ZAN: variants seen among roughly 807,000 people sequenced by gnomAD.
The protein encoded by ZAN is zonadhesin, also known as zonadhesin (gene/pseudogene).
A neutral mutation model predicts 286.2 loss-of-function variants in ZAN; 260 were observed. The ratio of observed to expected loss-of-function variants is 0.91; its 90% CI spans 0.82 to 1.01. The LOEUF (loss-of-function observed/expected upper bound fraction) is 1.01. Ranked by LOEUF, ZAN falls within the 50% of genes least tolerant of loss-of-function variation. ZAN has a pLI of 0.00. For missense variants in ZAN, 3,410 were observed against 3,639.2 expected, an observed-to-expected ratio of 0.94 and a Z score of 1.62; for synonymous variants, 1,368 against 1,417.5, an observed-to-expected ratio of 0.97 and a Z score of 0.79.
rs1562907855 is a variant in ZAN, at chr7:100,735,768, C to T, written c.102C>T (p.Asp34=). ...AGCTGGTTGTTCGCAGCTCTAGGGA[C>T]AACTGTGAGTTGGAAACCAGGAGTG... The part of the protein sequence containing the change: ...DQKLVVRSSR[D]NYVLTQCDFE... The change falls in exon 3 of 48, where the codon GAC becomes GAT. Residue 34 remains aspartate (D), a synonymous_variant. Transcript: ENST00000613979. 6.7e-7 allele frequency: 1 copy of T among 1,501,262 alleles called. No individual in the cohort carries two copies. The highest frequency in any genetic ancestry group is 1.8e-5 in the Admixed American group (1 of 54,350). The allele number at this position is 1,501,262 out of a possible 1,614,324, so 93.0% of individuals were successfully genotyped here.
At chr7:100,781,793 C>T (rs1202773913) in intron 35 of ZAN, among the ~76,000 whole-genome samples, 6 of 151,838 alleles carry the variant, frequency 4.0e-5, no homozygotes, top group South Asian at 4.2e-4. Flanking sequence ...GCATGTGCCA[C>T]CACACCCAGC....
rs1337408268 is a variant in ZAN at position 100,764,128 on chromosome 7, C to T, written c.4199C>T (p.Ser1400Phe). Reference sequence around the variant, plus strand: ...CAGCACCTGCTGTGCACACACATGTCCACCATGACCACCACCTGCCAGGAC... The same window carrying T: ...CAGCACCTGCTGTGCACACACATGTTCACCATGACCACCACCTGCCAGGAC... ...GLQHLLCTHMSTMTTTCQDAG... is the reference protein window; with the variant it reads ...GLQHLLCTHMFTMTTTCQDAG... Residue 1400 changes from serine (S) to phenylalanine (F), a missense_variant, in exon 22 of 48, where the codon TCC becomes TTC. By Grantham distance (155) the Ser-to-Phe change is radical. This residue lies in a region of ZAN where 1,042 missense variants were observed against 1,058.0 expected (regional missense o/e 0.98). Coordinates refer to ENST00000613979, the MANE Select transcript of ZAN (RefSeq NM_003386.3). 1 of 1,611,394 alleles carries T rather than the reference C, an allele frequency of 6.2e-7. No homozygotes were observed. The highest frequency in any genetic ancestry group is 2.2e-5 in the East Asian group (1 of 44,814).
At chr7:100,772,302 A>T (rs1810429117) in intron 29 of ZAN, among the ~76,000 whole-genome samples, 1 of 150,014 alleles carries the variant, frequency 6.7e-6, no homozygotes, top group Admixed American at 6.7e-5. Context: ...TGTGGTGGCA[A>T]GCACCTGTAA....
At chr7:100,772,489 C>T (rs558401534) in intron 29 of ZAN, among the ~76,000 whole-genome samples, 17 of 151,824 alleles carry the variant, frequency 1.1e-4, no homozygotes, top group South Asian at 1.0e-3. Context: ...AATGGCAGCA[C>T]GACAATGTGA....
rs1270251756 is a variant in ZAN at position 100,783,787 on chromosome 7, CATAT to C, written c.6623-826_6623-823del. On this transcript the variant is annotated intron_variant, in intron 35 of 47. Coordinates refer to ENST00000613979, the MANE Select transcript of ZAN (RefSeq NM_003386.3). Reference sequence around the variant, plus strand: ...AAATATATATATATATATATATACACATATATATATATACACACATATATATATA... The same window carrying C: ...AAATATATATATATATATATATACACATATATATACACACATATATATATA... Among the ~76,000 whole-genome samples, 2 of 11,030 alleles carry C rather than the reference CATAT, an allele frequency of 1.8e-4. 1 individual carries two copies. Among genetic ancestry groups the C allele is most frequent in the South Asian group, 4.4e-3 (2 of 452 alleles). 7.2% of individuals were successfully genotyped at this position (11,030 alleles called of 152,430 possible). A position where few individuals can be genotyped will look rare whatever the true frequency, so the allele number is the denominator to read the frequency against.
At chr7:100,743,148 C>A (rs1207478994) in intron 7 of ZAN, among the ~76,000 whole-genome samples, 2 of 151,066 alleles carry the variant, frequency 1.3e-5, no homozygotes, top group Admixed American at 1.3e-4. Flanking sequence ...CTCAGCCTCC[C>A]GAGTAGCTGG....
At chr7:100,777,464 C>T (rs112891999) in intron 34 of ZAN, among the ~76,000 whole-genome samples, 11 of 152,288 alleles carry the variant, frequency 7.2e-5, no homozygotes, top group South Asian at 4.1e-4. Context: ...AAGCAATTCT[C>T]GTGCCTCAAC....
At position 100,763,077 on chromosome 7, in the gene ZAN, TTCTCAC is replaced by T. The variant is rs1440288986; in HGVS notation, c.3986+720_3987-723del. Reference sequence around the variant, plus strand: ...ACCTCTGCCTCCTGGGCTCAAGTGATTCTCACGCCTCAATCCCAATGAGATTATAGG... The same window carrying T: ...ACCTCTGCCTCCTGGGCTCAAGTGATGCCTCAATCCCAATGAGATTATAGG... On this transcript the variant is annotated intron_variant, in intron 20 of 47. Coordinates refer to ENST00000613979, the MANE Select transcript of ZAN (RefSeq NM_003386.3). This position sits in a 1 kb window ranked among gnomAD's most constrained non-coding sequence, Gnocchi z 4.6. Among the ~76,000 whole-genome samples the T allele has an allele frequency of 1.3e-5, 2 of 151,564 alleles. No individual in the cohort carries two copies. The highest frequency in any genetic ancestry group is 3.9e-4 in the East Asian group (2 of 5,118).
In ZAN at chr7:100,763,422, A is replaced by AGTGC. The variant is rs1460133438; in HGVS notation, c.3987-383_3987-380dup. 6.6e-6 allele frequency among the ~76,000 whole-genome samples: 1 copy of AGTGC among 152,044 alleles called. No homozygotes were observed. The highest frequency in any genetic ancestry group is 1.5e-5 in the Non-Finnish European group (1 of 68,008). On this transcript the variant is annotated intron_variant, in intron 20 of 47. Transcript: ENST00000613979. This position sits in a 1 kb window ranked among gnomAD's most constrained non-coding sequence, Gnocchi z 4.6. ...GGCCTTGCTCTGTCGCCCAGGCTGG[A>AGTGC]GTGCAGTGGTTCAATCACAGCTCAC...
At position 100,794,110 on chromosome 7, in the gene ZAN, C is replaced by T. The variant is rs1393639746; in HGVS notation, c.7987-10C>T. 5.0e-6 allele frequency: 8 copies of T among 1,613,990 alleles called. No individual in the cohort carries two copies. The South Asian group carries it at 6.6e-5, about 13-fold the overall frequency. ...CTGGAACGTCTCCTCCTGGCCCTTCCCCTTTCTAGCTGGGCAGCAGCTTTC... is the reference window on the plus strand; with the variant it reads ...CTGGAACGTCTCCTCCTGGCCCTTCTCCTTTCTAGCTGGGCAGCAGCTTTC... On this transcript the variant is annotated splice_polypyrimidine_tract_variant and intron_variant, in intron 43 of 47. Coordinates refer to ENST00000613979, the MANE Select transcript of ZAN (RefSeq NM_003386.3).
At chr7:100,781,277 A>G (rs1018709427) in intron 35 of ZAN, among the ~76,000 whole-genome samples, 2 of 152,092 alleles carry the variant, frequency 1.3e-5, no homozygotes, top group African/African-American at 4.8e-5. Context: ...CATGTTGGCC[A>G]GGTTGGTCTC....
At chr7:100,757,954 C>T (rs1019523819) in intron 15 of ZAN, among the ~76,000 whole-genome samples, 2 of 148,286 alleles carry the variant, frequency 1.3e-5, no homozygotes, top group African/African-American at 5.0e-5. Flanking sequence ...GGCATGGTGG[C>T]ATGTGCCTGT....
rs1808675898 is a variant in ZAN at position 100,751,707 on chromosome 7, T to C, written c.1607-5T>C. The C allele has an allele frequency of 3.2e-6, 5 of 1,570,388 alleles. No homozygotes were observed. Among genetic ancestry groups the C allele is most frequent in the Non-Finnish European group, 4.3e-6 (5 of 1,165,314 alleles). On this transcript the variant is annotated splice_region_variant and splice_polypyrimidine_tract_variant and intron_variant, in intron 13 of 47. Transcript: ENST00000613979. ...AACTCCAGGGATTCTTATTTTTCTTTGCAGTAAAAGTGCTACCAGAGCTTC... is the reference window on the plus strand; with the variant it reads ...AACTCCAGGGATTCTTATTTTTCTTCGCAGTAAAAGTGCTACCAGAGCTTC...
intron 37 of ZAN, 110 bp downstream of exon 37, chr7:100,786,251 G>A: frequency 6.7e-7 from 1 of 1,482,786 alleles, no homozygotes; most frequent in East Asian, 2.3e-5. Context: ...GCACAGTCAG[G>A]GGTTGGGGCG....
chr7:100,746,041 T>A (rs1392396800), intron 7 of ZAN, among the ~76,000 whole-genome samples: 2 of 151,780 alleles, frequency 1.3e-5, no homozygotes. Context: ...CTGGGCAATG[T>A]GGTGAAACCC....
At chr7:100,793,772 T>G in intron 42 of ZAN, 48 bp from the exon 43 acceptor site, 1 of 1,534,008 alleles carries the variant, frequency 6.5e-7, no homozygotes, top group South Asian at 1.3e-5. Context: ...TTGCCCCTGT[T>G]TGGCCTGCCC....
chr7:100,776,424 C>G lies in ZAN; in HGVS notation c.6193-16C>G. 1 of 1,599,340 alleles carries G rather than the reference C, an allele frequency of 6.3e-7. No individual in the cohort carries two copies. Among genetic ancestry groups the G allele is most frequent in the African/African-American group, 1.3e-5 (1 of 74,750 alleles). Reference sequence around the variant, plus strand: ...TCGTGCTTCCCCAGCACCGAAAAACCACTCTCCCCCGCCAGGTCTGCGGCA... The same window carrying G: ...TCGTGCTTCCCCAGCACCGAAAAACGACTCTCCCCCGCCAGGTCTGCGGCA... On this transcript the variant is annotated splice_polypyrimidine_tract_variant and intron_variant, in intron 33 of 47. Transcript: ENST00000613979.
At chr7:100,743,546 G>A (rs779911635) in intron 7 of ZAN, among the ~76,000 whole-genome samples, 36 of 152,006 alleles carry the variant, frequency 2.4e-4, no homozygotes, top group Non-Finnish European at 4.9e-4. Flanking sequence ...CTAATTTCCT[G>A]AGTTTATAAT....
At chr7:100,783,268 CA>C (rs1257779663) in intron 35 of ZAN, among the ~76,000 whole-genome samples, 1 of 150,694 alleles carries the variant, frequency 6.6e-6, no homozygotes, top group Non-Finnish European at 1.5e-5. Flanking sequence ...AACTCTATCT[CA>C]AAAAAATAAA....
Sources: allele counts gnomAD v4.1 joint callset (sites outside exome capture counted in the v4.1 genomes callset), GRCh38; gene constraint gnomAD v4.1.1; regional missense constraint gnomAD v4.1.1; non-coding constraint Gnocchi (gnomAD v3.1); transcripts MANE v1.5; gene names NCBI Gene and HGNC (gene_info 2026-07-23, HGNC 2026-07-21).